IFT43: variants seen among roughly 807,000 people sequenced by gnomAD.
IFT43 encodes the protein intraflagellar transport protein 43 homolog.
IFT43 carries 33 observed loss-of-function variants against 32.3 expected under a neutral mutation model. The ratio of observed to expected loss-of-function variants is 1.02; its 90% CI spans 0.77 to 1.37. The LOEUF is 1.37. IFT43 is among the 40% of genes most tolerant of loss of function. The probability of loss-of-function intolerance (pLI) is 0.00; values close to 1 mark genes in which losing one functional copy is unlikely to be tolerated. For synonymous variants in IFT43, 93 were observed against 98.2 expected (o/e 0.95, Z 0.31); for missense variants, 274 against 265.9 (o/e 1.03, Z -0.21).
At chr14:76,070,491 G>T (rs1480054631) in intron 5 of IFT43, among the ~76,000 whole-genome samples, 4 of 152,118 alleles carry the variant, frequency 2.6e-5, no homozygotes, top group African/African-American at 9.7e-5. Context: ...TGCTTCCTTA[G>T]GCTTAATATA....
intron 2 of IFT43, among the ~76,000 whole-genome samples, chr14:76,018,916 G>A (rs529809962): frequency 6.6e-6 from 1 of 151,920 alleles, no homozygotes; most frequent in African/African-American, 2.4e-5. Context: ...GTCTTTATAA[G>A]TGAAGTAAGT....
At position 76,010,639 on chromosome 14, in the gene IFT43, A is replaced by T. The variant is rs184599101; in HGVS notation, c.148-11688A>T. Among the ~76,000 whole-genome samples, 274 of 152,120 alleles carry T rather than the reference A, an allele frequency of 1.8e-3. 1 individual carries two copies. The highest frequency in any genetic ancestry group is 6.4e-3 in the African/African-American group (264 of 41,546). ...TTGCTGAATTATTTCAAAGCAAATT[A>T]TAGGCATCATAACATGTTACTTAGA... On this transcript the variant is annotated intron_variant, in intron 2 of 8. Coordinates refer to ENST00000314067, the MANE Select transcript of IFT43 (RefSeq NM_001102564.3).
Position 76,008,620 on chromosome 14 carries a change from C to T in IFT43, c.148-13707C>T, listed in dbSNP as rs1400709386. Reference sequence around the variant, plus strand: ...CTTCCTGCTCCCTCTTCCTTTGCTCCCTCTCCCCACCTTTAAATAGCTTTT... The same window carrying T: ...CTTCCTGCTCCCTCTTCCTTTGCTCTCTCTCCCCACCTTTAAATAGCTTTT... On this transcript the variant is annotated intron_variant, in intron 2 of 8. Transcript: ENST00000314067. 2.0e-5 allele frequency among the ~76,000 whole-genome samples: 3 copies of T among 152,134 alleles called. No homozygotes were observed. In the South Asian group the frequency reaches 6.2e-4, roughly 32 times the overall value.
At chr14:76,000,572 A>G (rs188963893) in intron 2 of IFT43, among the ~76,000 whole-genome samples, 75 of 152,242 alleles carry the variant, frequency 4.9e-4, no homozygotes, top group Middle Eastern at 3.4e-3. Flanking sequence ...GCGTGTGGCC[A>G]TAACTGGCTA....
In IFT43 at chr14:76,002,055, C is replaced by G. The variant is rs375702282; in HGVS notation, c.147+13078C>G. ...CTGAGGTCAGGAGTTCAAGACCAGC[C>G]TGACCAACATGGTGAAACCCCATCT... On this transcript the variant is annotated intron_variant, in intron 2 of 8. Transcript: ENST00000314067. Among the ~76,000 whole-genome samples the G allele has an allele frequency of 3.3e-5, 5 of 152,290 alleles. No individual in the cohort carries two copies. In the East Asian group the frequency reaches 9.7e-4, roughly 29 times the overall value.
chr14:76,010,928 C>A (rs2036072519), intron 2 of IFT43, among the ~76,000 whole-genome samples: 1 of 149,632 alleles, frequency 6.7e-6, no homozygotes, highest in Non-Finnish European at 1.5e-5. Context: ...TTAATGACAG[C>A]ATCTCACTCT....
At position 76,003,263 on chromosome 14, in the gene IFT43, CT is replaced by C. The variant is rs1057334271; in HGVS notation, c.147+14296del. On this transcript the variant is annotated intron_variant, in intron 2 of 8. Coordinates refer to ENST00000314067, the MANE Select transcript of IFT43 (RefSeq NM_001102564.3). Reference sequence around the variant, plus strand: ...TGGCTTTTAGGTATTGTTTTTTATACTTTTTTTTTTAGTGATTACTCTAGGA... The same window carrying C: ...TGGCTTTTAGGTATTGTTTTTTATACTTTTTTTTTAGTGATTACTCTAGGA... Among the ~76,000 whole-genome samples, 48 of 147,648 alleles carry C rather than the reference CT, an allele frequency of 3.3e-4. No homozygotes were observed. In the East Asian group the frequency reaches 7.3e-3, roughly 22 times the overall value.
chr14:75,986,954 G>A (rs2035541838), intron 1 of IFT43, among the ~76,000 whole-genome samples: 1 of 152,144 alleles, frequency 6.6e-6, no homozygotes. Flanking sequence ...TGGAGATACA[G>A]CAATGAATAA....
chr14:75,988,394 C>T (rs929350943), intron 1 of IFT43, among the ~76,000 whole-genome samples: 1 of 152,118 alleles, frequency 6.6e-6, no homozygotes, highest in African/African-American at 2.4e-5. Flanking sequence ...TAGAACTGAC[C>T]TCAGGTGCTT....
intron 2 of IFT43, among the ~76,000 whole-genome samples, chr14:76,016,016 C>CT (rs1204417832): frequency 6.6e-6 from 1 of 152,016 alleles, no homozygotes; most frequent in Non-Finnish European, 1.5e-5. Flanking sequence ...TTTAATGGGA[C>CT]TTTTTTGGGT....
At chr14:76,024,487 A>C (rs1157560299) in intron 3 of IFT43, among the ~76,000 whole-genome samples, 1 of 152,224 alleles carries the variant, frequency 6.6e-6, no homozygotes, top group East Asian at 1.9e-4. Flanking sequence ...AACCTGGGGA[A>C]GTTACTTAAC....
intron 3 of IFT43, among the ~76,000 whole-genome samples, chr14:76,034,601 T>G (rs1471267103): frequency 6.6e-6 from 1 of 152,224 alleles, no homozygotes; most frequent in East Asian, 1.9e-4. Flanking sequence ...AAGGGCTGTT[T>G]ATGAATCTGA....
chr14:76,036,552 G>A (rs549029407), intron 3 of IFT43, among the ~76,000 whole-genome samples: 10 of 151,500 alleles, frequency 6.6e-5, no homozygotes, highest in African/African-American at 1.5e-4. Flanking sequence ...CTACAGGCGC[G>A]CGCCACCACA....
chr14:76,034,773 C>A (rs1384582798), intron 3 of IFT43, among the ~76,000 whole-genome samples: 2 of 152,182 alleles, frequency 1.3e-5, no homozygotes, highest in Admixed American at 1.3e-4. Flanking sequence ...CAGAAAGGGC[C>A]AAGTTCAGGA....
intron 3 of IFT43, among the ~76,000 whole-genome samples, chr14:76,040,115 G>A (rs1233576925): frequency 6.6e-6 from 1 of 152,074 alleles, no homozygotes. Context: ...ACCACACCCA[G>A]CTAATTTTTT....
chr14:76,059,278 G>A lies in IFT43; in HGVS notation c.249-49G>A, dbSNP rs568172063. 81 of 1,613,528 alleles carry A rather than the reference G, an allele frequency of 5.0e-5. 1 individual carries two copies. The highest frequency in any genetic ancestry group is 3.3e-4 in the Middle Eastern group (2 of 6,058). ...ATAAACATTTGGGATGTTCCTTTCC[G>A]TGTTTGAAACTCATTTTTTGCTGTC... On this transcript the variant is annotated intron_variant, in intron 4 of 8. Transcript: ENST00000314067.
chr14:75,999,269 ATATGTATATATATTTT>A (rs1487573275), intron 2 of IFT43, among the ~76,000 whole-genome samples: 1 of 24,250 alleles, frequency 4.1e-5, no homozygotes. Context: ...ATATATATAT[ATATGTATATATATTTT>A]TTTTTTTTTT....
chr14:76,057,674 T>C (rs984215911), intron 3 of IFT43, among the ~76,000 whole-genome samples: 2 of 152,234 alleles, frequency 1.3e-5, no homozygotes, highest in Admixed American at 6.5e-5. Flanking sequence ...TGGCCTACCC[T>C]GTCAAGGTCT....
At chr14:76,062,976 G>A (rs1330584211) in intron 5 of IFT43, among the ~76,000 whole-genome samples, 1 of 148,566 alleles carries the variant, frequency 6.7e-6, no homozygotes, top group East Asian at 2.0e-4. Context: ...GTAAATTGTG[G>A]AACATCTGTG....
Sources: gnomAD v4.1 joint callset for allele counts (sites outside exome capture counted in the v4.1 genomes callset) on GRCh38, gnomAD v4.1.1 for gene constraint, MANE v1.5 for transcripts, NCBI Gene and HGNC (gene_info 2026-07-23, HGNC 2026-07-21) for gene names.